Variants in SNX9 observed in about 807,000 individuals in gnomAD.
The protein encoded by SNX9 is sorting nexin 9, also known as sorting nexin-9.
A neutral mutation model predicts 89.4 loss-of-function variants in SNX9; 44 were observed. The observed-to-expected ratio is 0.49, with a 90% CI of 0.39 to 0.63. SNX9 has a LOEUF of 0.63. Among genes scored for constraint, SNX9 ranks in the 30% least tolerant of loss-of-function variants. The probability of loss-of-function intolerance (pLI) is 0.00; values close to 1 mark genes in which losing one functional copy is unlikely to be tolerated. For missense variants in SNX9, 578 were observed against 736.1 expected (o/e 0.79, Z 2.49); for synonymous variants, 236 against 247.8 (o/e 0.95, Z 0.45).
intron 1 of SNX9, among the ~76,000 whole-genome samples, chr6:157,835,866 T>C (rs1221602682): frequency 1.3e-5 from 2 of 152,162 alleles, no homozygotes; most frequent in African/African-American, 2.4e-5. Context: ...CAGTTCTTTA[T>C]AGCCGTGTGA....
intron 1 of SNX9, among the ~76,000 whole-genome samples, chr6:157,840,707 G>A (rs928212846): frequency 6.6e-6 from 1 of 152,200 alleles, no homozygotes; most frequent in Admixed American, 6.5e-5. Flanking sequence ...CAGAAGGATT[G>A]ACACAGTATC....
intron 2 of SNX9, among the ~76,000 whole-genome samples, chr6:157,869,178 T>C (rs1462407792): frequency 6.6e-6 from 1 of 152,202 alleles, no homozygotes; most frequent in Non-Finnish European, 1.5e-5. Flanking sequence ...CTGGCTGTCC[T>C]CTTGTGTCCC....
chr6:157,886,295 T>TA (rs893445660), intron 4 of SNX9, among the ~76,000 whole-genome samples: 29 of 149,200 alleles, frequency 1.9e-4, no homozygotes, highest in Middle Eastern at 6.9e-3. Context: ...GAATACAACA[T>TA]AAAAAAAAAA....
Position 157,896,945 on chromosome 6 carries a change from C to A in SNX9, c.419C>A (p.Thr140Asn). Residue 140 changes from threonine (T) to asparagine (N), a missense_variant, in exon 5 of 18, where the codon ACT (threonine) becomes AAT (asparagine). Transcript: ENST00000392185. ...GCTGGAGCCCAAAGAAACACAAACA[C>A]TCCCAACAACTGGGACACTGCCTTC... ...EGAGAQRNTN[T>N]PNNWDTAFGH... 6.2e-7 allele frequency: 1 copy of A among 1,612,832 alleles called. No individual in the cohort carries two copies. Among genetic ancestry groups the A allele is most frequent in the Middle Eastern group, 1.7e-4 (1 of 6,040 alleles).
chr6:157,928,752 T>G (rs886806598), intron 12 of SNX9, 50 bp downstream of exon 12: 1 of 1,402,998 alleles, frequency 7.1e-7, no homozygotes, highest in Non-Finnish European at 9.6e-7. Context: ...TGATGCAGGC[T>G]CAGTTTTATG....
intron 16 of SNX9, 91 bp from the exon 17 acceptor site, chr6:157,940,792 T>A: frequency 1.8e-6 from 2 of 1,131,618 alleles, no homozygotes; most frequent in South Asian, 2.7e-5. Flanking sequence ...TTAGGTCAGG[T>A]TGATGATTAA....
intron 1 of SNX9, among the ~76,000 whole-genome samples, chr6:157,844,589 TTTTTTTTTTTG>T (rs1562592176): frequency 1.4e-5 from 2 of 142,096 alleles, no homozygotes; most frequent in African/African-American, 5.6e-5. Context: ...TAATCCTTGT[TTTTTTTTTTTG>T]TTTTTTTTTT....
rs1037446769 is a variant in SNX9 at position 157,862,010 on chromosome 6, T to C, written c.13-5537T>C. ...GTAGAGATGCTGGACAAAGGGATGA[T>C]TCATGTCCTGAGTGGGAGAGTGTGA... On this transcript the variant is annotated intron_variant, in intron 1 of 17. Coordinates refer to ENST00000392185, the MANE Select transcript of SNX9 (RefSeq NM_016224.5). Among the ~76,000 whole-genome samples the C allele has an allele frequency of 2.6e-5, 4 of 152,304 alleles. No homozygotes were observed. In the South Asian group the frequency reaches 8.3e-4, roughly 32 times the overall value.
chr6:157,933,458 TAAG>T (rs1011878197), intron 13 of SNX9, among the ~76,000 whole-genome samples: 11 of 152,318 alleles, frequency 7.2e-5, no homozygotes, highest in East Asian at 3.9e-4. Flanking sequence ...AATAAACTAA[TAAG>T]AAGTTTCTCA....
intron 1 of SNX9, among the ~76,000 whole-genome samples, chr6:157,847,642 T>A (rs1401379530): frequency 2.0e-5 from 3 of 152,150 alleles, no homozygotes; most frequent in Admixed American, 1.3e-4. Context: ...ATATCTGTGC[T>A]GATGGATTAA....
At chr6:157,908,576 C>G (rs2115177710) in intron 7 of SNX9, among the ~76,000 whole-genome samples, 1 of 152,272 alleles carries the variant, frequency 6.6e-6, no homozygotes, top group East Asian at 1.9e-4. Context: ...ATTGGTGACT[C>G]AGGTAGTGAT....
intron 16 of SNX9, among the ~76,000 whole-genome samples, chr6:157,939,293 T>C (rs907353509): frequency 2.0e-5 from 3 of 152,082 alleles, no homozygotes; most frequent in Non-Finnish European, 1.5e-5. Flanking sequence ...GCCACAAAAT[T>C]GTGGTGCTAG....
At chr6:157,882,472 C>T (rs770382225) in intron 4 of SNX9, among the ~76,000 whole-genome samples, 3 of 152,138 alleles carry the variant, frequency 2.0e-5, no homozygotes, top group Admixed American at 6.6e-5. Flanking sequence ...AAATACATTT[C>T]GCAAGGCTAT....
chr6:157,828,175 G>A (rs1341513100), intron 1 of SNX9, among the ~76,000 whole-genome samples: 2 of 151,524 alleles, frequency 1.3e-5, no homozygotes, highest in Non-Finnish European at 2.9e-5. Context: ...ATTTAACTTT[G>A]TATAACAGTA....
chr6:157,867,854 AG>A (rs1367831554), intron 2 of SNX9, among the ~76,000 whole-genome samples: 1 of 152,228 alleles, frequency 6.6e-6, no homozygotes, highest in Non-Finnish European at 1.5e-5. Flanking sequence ...ACAGGAAAAA[AG>A]TTCCCTAAAG....
At position 157,942,961 on chromosome 6, in the gene SNX9, C is replaced by CA. The variant is rs1399960678; in HGVS notation, c.*129dup. ...AAACAAAACCAAAAAGAAAGAGTTGCAAAAAACTGCATTTATTTTATTAGC... is the reference window on the plus strand; with the variant it reads ...AAACAAAACCAAAAAGAAAGAGTTGCAAAAAAACTGCATTTATTTTATTAGC... On this transcript the variant is annotated 3_prime_UTR_variant, in exon 18 of 18. Transcript: ENST00000392185. The CA allele has an allele frequency of 7.4e-5, 72 of 967,702 alleles. 1 individual carries two copies. In the South Asian group the frequency reaches 8.9e-4, roughly 12 times the overall value. 59.9% of individuals were successfully genotyped at this position (967,702 alleles called of 1,614,324 possible).
At chr6:157,861,947 G>A (rs547990898) in intron 1 of SNX9, among the ~76,000 whole-genome samples, 1 of 152,148 alleles carries the variant, frequency 6.6e-6, no homozygotes, top group Non-Finnish European at 1.5e-5. Flanking sequence ...TAAATGGGAC[G>A]GCTACTACAT....
At chr6:157,875,028 T>G (rs759908098) in intron 3 of SNX9, 23 bp from the exon 4 acceptor site, 1 of 1,612,258 alleles carries the variant, frequency 6.2e-7, no homozygotes, top group Non-Finnish European at 8.5e-7. Flanking sequence ...ATGAAAATAA[T>G]TGCGGCTCTT....
chr6:157,904,544 G>T (rs560244898), intron 6 of SNX9, among the ~76,000 whole-genome samples: 2 of 151,924 alleles, frequency 1.3e-5, no homozygotes, highest in Non-Finnish European at 2.9e-5. Context: ...TTACAAGCTG[G>T]TCAAGGAGTT....
Sources: allele counts gnomAD v4.1 joint callset (sites outside exome capture counted in the v4.1 genomes callset), GRCh38; gene constraint gnomAD v4.1.1; transcripts MANE v1.5; gene names NCBI Gene and HGNC (gene_info 2026-07-23, HGNC 2026-07-21).